The following ZNF268 variants were observed in gnomAD, a reference collection of about 807,000 sequenced individuals.
The protein encoded by ZNF268 is zinc finger protein 268.
ZNF268 carries 20 observed loss-of-function variants against 29.3 expected under a neutral mutation model. The observed-to-expected ratio is 0.68, with a 90% CI of 0.48 to 0.99. ZNF268 has a LOEUF of 0.99. ZNF268 is among the 50% of genes least tolerant of loss of function. The pLI is 0.00. For missense variants in ZNF268, 1,240 were observed against 1,121.6 expected, an observed-to-expected ratio of 1.11 and a Z score of -1.51; for synonymous variants, 429 against 376.9, an observed-to-expected ratio of 1.14 and a Z score of -1.60.
rs1289122635 is a variant in ZNF268, at chr12:133,207,407, C to T, written c.*2877C>T. 1.3e-5 allele frequency: 2 copies of T among 152,224 alleles called. No individual in the cohort carries two copies. The highest frequency in any genetic ancestry group is 2.4e-5 in the African/African-American group (1 of 41,456). 9.4% of individuals were successfully genotyped at this position (152,224 alleles called of 1,614,324 possible). On this transcript the variant is annotated 3_prime_UTR_variant, in exon 6 of 6. Transcript: ENST00000536435. ...TTATAGCAAACCAATGTATAGCTAA[C>T]AAGAAAGTCATGATATTAGGTTTAA...
chr12:133,184,862 G>T (rs542461798), intron 2 of ZNF268: 4 of 316,166 alleles, frequency 1.3e-5, no homozygotes, highest in Non-Finnish European at 2.7e-5. Flanking sequence ...CATTGAAACC[G>T]TAGCAGTCAT....
At chr12:133,200,282 T>C (rs897401652) in intron 5 of ZNF268, among the ~76,000 whole-genome samples, 2 of 152,236 alleles carry the variant, frequency 1.3e-5, no homozygotes, top group African/African-American at 2.4e-5. Flanking sequence ...CATTTCGTTA[T>C]GTACCCCATA....
intron 5 of ZNF268, among the ~76,000 whole-genome samples, chr12:133,197,143 C>T (rs913824954): frequency 8.7e-5 from 13 of 149,162 alleles, no homozygotes; most frequent in African/African-American, 3.0e-4. Flanking sequence ...CCCACTAATT[C>T]GTCATCTAGC....
Position 133,210,625 on chromosome 12 carries a change from C to T in ZNF268, c.*6095C>T. ...GTCCTGAGATGAGGTAAATTCTGGT[C>T]ATCACTGTGAAGTGCCCTCGGGGGT... On this transcript the variant is annotated 3_prime_UTR_variant, in exon 6 of 6. Coordinates refer to ENST00000536435, the MANE Select transcript of ZNF268 (RefSeq NM_003415.3). 1 of 342,356 alleles carries T rather than the reference C, an allele frequency of 2.9e-6. No homozygotes were observed. The highest frequency in any genetic ancestry group is 2.2e-5 in the South Asian group (1 of 45,004). 21.2% of individuals were successfully genotyped at this position (342,356 alleles called of 1,614,324 possible). A position where few individuals can be genotyped will look rare whatever the true frequency, so the allele number is the denominator to read the frequency against.
chr12:133,188,170 T>A, intron 3 of ZNF268, 98 bp downstream of exon 3: 1 of 1,121,282 alleles, frequency 8.9e-7, no homozygotes, highest in Non-Finnish European at 1.3e-6. Flanking sequence ...AGGGTTAAGT[T>A]AATCACTCCT....
At chr12:133,193,999 C>G (rs1162908220) in intron 5 of ZNF268, among the ~76,000 whole-genome samples, 1 of 152,120 alleles carries the variant, frequency 6.6e-6, no homozygotes, top group Non-Finnish European at 1.5e-5. Flanking sequence ...GGCTCCCTTA[C>G]TAATTTTGGT....
At chr12:133,200,934 C>A (rs1017865283) in intron 5 of ZNF268, among the ~76,000 whole-genome samples, 1 of 152,100 alleles carries the variant, frequency 6.6e-6, no homozygotes, top group African/African-American at 2.4e-5. Flanking sequence ...TATACACACT[C>A]ATGATGGAGA....
Position 133,184,676 on chromosome 12 carries a change from T to A in ZNF268, c.33+2646T>A, listed in dbSNP as rs181745379. 24 of 449,040 alleles carry A rather than the reference T, an allele frequency of 5.3e-5. No homozygotes were observed. The Admixed American group carries it at 5.7e-4, about 11-fold the overall frequency. 27.8% of individuals were successfully genotyped at this position (449,040 alleles called of 1,614,324 possible). On this transcript the variant is annotated intron_variant, in intron 2 of 5. Transcript: ENST00000536435. ...CTCTGTCTTCCAGGCTGGAGTGCAGTGGCTATCTCTGCTCACCACAACGTC... is the reference window on the plus strand; with the variant it reads ...CTCTGTCTTCCAGGCTGGAGTGCAGAGGCTATCTCTGCTCACCACAACGTC...
Position 133,203,285 on chromosome 12 carries a change from T to C in ZNF268, c.1599T>C (p.Cys533=), listed in dbSNP as rs565057467. 1.9e-6 allele frequency: 3 copies of C among 1,539,624 alleles called. No homozygotes were observed. Among genetic ancestry groups the C allele is most frequent in the South Asian group, 2.4e-5 (2 of 84,090 alleles). The change falls in exon 6 of 6, where the codon TGT becomes TGC. Residue 533 remains cysteine (C), a synonymous_variant. Transcript: ENST00000536435. ...AAAAACTCCATGAATGCAACAATTGTGGGAAAGCCTTCAGTTTTAAATCAC... is the reference window on the plus strand; with the variant it reads ...AAAAACTCCATGAATGCAACAATTGCGGGAAAGCCTTCAGTTTTAAATCAC... The part of the protein sequence containing the change: ...TGEKLHECNN[C]GKAFSFKSQL...
At chr12:133,182,892 A>G (rs1956213727) in intron 2 of ZNF268, among the ~76,000 whole-genome samples, 1 of 152,158 alleles carries the variant, frequency 6.6e-6, no homozygotes, top group Non-Finnish European at 1.5e-5. Context: ...ATTGTATCAC[A>G]TAGGGCAGGT....
intron 2 of ZNF268, among the ~76,000 whole-genome samples, chr12:133,185,799 G>C (rs1254980030): frequency 6.6e-6 from 1 of 152,200 alleles, no homozygotes; most frequent in Non-Finnish European, 1.5e-5. Context: ...CAGGGATTTT[G>C]TGTAGTGTGG....
rs141114634 is a variant in ZNF268, at chr12:133,191,795, T to C, written c.362-113T>C. Reference sequence around the variant, plus strand: ...GTTGAATGGTCTTTACTTTGCCAAATTGCAAAAAGGCAGCTTCATCATGCT... The same window carrying C: ...GTTGAATGGTCTTTACTTTGCCAAACTGCAAAAAGGCAGCTTCATCATGCT... On this transcript the variant is annotated intron_variant, in intron 4 of 5. Coordinates refer to ENST00000536435, the MANE Select transcript of ZNF268 (RefSeq NM_003415.3). 920 of 1,475,480 alleles carry C rather than the reference T, an allele frequency of 6.2e-4. 2 individuals carry two copies. The African/African-American group carries it at 0.011, about 18-fold the overall frequency. 91.4% of individuals were successfully genotyped at this position (1,475,480 alleles called of 1,614,324 possible). A position where few individuals can be genotyped will look rare whatever the true frequency, so the allele number is the denominator to read the frequency against.
chr12:133,204,291 T>C lies in ZNF268; in HGVS notation c.2605T>C (p.Cys869Arg). 4.5e-6 allele frequency: 7 copies of C among 1,555,208 alleles called. No individual in the cohort carries two copies. Among genetic ancestry groups the C allele is most frequent in the Non-Finnish European group, 6.1e-6 (7 of 1,153,636 alleles). Residue 869 changes from cysteine to arginine, a missense_variant, in exon 6 of 6, where the codon TGT becomes CGT. Cys to Arg is a radical substitution (Grantham distance 180). This residue lies in a region of ZNF268 where 1,177 missense variants were observed against 1,039.6 expected (regional missense o/e 1.13). Coordinates refer to ENST00000536435, the MANE Select transcript of ZNF268 (RefSeq NM_003415.3). The part of the protein sequence containing the change: ...TREKPYECSE[C>R]GKAFIRNSQL... ...AGAGAAACCATATGAATGCAGTGAG[T>C]GTGGAAAAGCCTTCATTAGGAATTC...
rs1175719461 is a variant in ZNF268, at chr12:133,210,882, CCCTT to C, written c.*6357_*6360del. ...GGCTAGACAAGGTGTGTGCTTGCACCCCTTCCTTACTACCTAGGCACAGTGTTGG... is the reference window on the plus strand; with the variant it reads ...GGCTAGACAAGGTGTGTGCTTGCACCCCTTACTACCTAGGCACAGTGTTGG... On this transcript the variant is annotated 3_prime_UTR_variant, in exon 6 of 6. Coordinates refer to ENST00000536435, the MANE Select transcript of ZNF268 (RefSeq NM_003415.3). The C allele has an allele frequency of 2.2e-6, 1 of 455,878 alleles. No individual in the cohort carries two copies. Among genetic ancestry groups the C allele is most frequent in the African/African-American group, 2.0e-5 (1 of 50,042 alleles). 28.2% of individuals were successfully genotyped at this position (455,878 alleles called of 1,614,324 possible).
Position 133,203,441 on chromosome 12 carries a change from A to G in ZNF268, c.1755A>G (p.Glu585=), listed in dbSNP as rs769366783. 3 of 1,542,636 alleles carry G rather than the reference A, an allele frequency of 1.9e-6. No individual in the cohort carries two copies. Among genetic ancestry groups the G allele is most frequent in the African/African-American group, 1.4e-5 (1 of 72,972 alleles). ...QRTHAGEKPY[E]CTDCGKAFGL... ...CTCATGCAGGAGAGAAGCCTTATGA[A>G]TGCACCGACTGTGGAAAGGCTTTTG... Residue 585 remains glutamate, a synonymous_variant, in exon 6 of 6, where the codon GAA becomes GAG. Transcript: ENST00000536435.
chr12:133,185,851 G>C (rs1956299645), intron 2 of ZNF268, among the ~76,000 whole-genome samples: 1 of 142,254 alleles, frequency 7.0e-6, no homozygotes, highest in Non-Finnish European at 1.6e-5. Context: ...ATGTTTGAAG[G>C]TGGAGTCCTC....
In ZNF268 at chr12:133,207,816, G is replaced by A. The variant is rs36153872; in HGVS notation, c.*3286G>A. The A allele has an allele frequency of 0.66, 99,487 of 151,792 alleles. 33,015 individuals are homozygous for A. The highest frequency in any genetic ancestry group is 0.91 in the East Asian group (4,721 of 5,172). The allele number at this position is 151,792 out of a possible 1,614,324, so 9.4% of individuals were successfully genotyped here. ...GAACTAGACCCTGTCTCAAAAAACA[G>A]AAGAGTATGTTTGGAAGATTTAATA... On this transcript the variant is annotated 3_prime_UTR_variant, in exon 6 of 6. Coordinates refer to ENST00000536435, the MANE Select transcript of ZNF268 (RefSeq NM_003415.3).
At chr12:133,201,081 ATTTAT>A (rs898108587) in intron 5 of ZNF268, among the ~76,000 whole-genome samples, 7 of 151,914 alleles carry the variant, frequency 4.6e-5, no homozygotes, top group African/African-American at 1.4e-4. Context: ...GTATACAGTG[ATTTAT>A]TTTTGTTTCT....
At chr12:133,194,836 G>A (rs1207798123) in intron 5 of ZNF268, among the ~76,000 whole-genome samples, 3 of 152,120 alleles carry the variant, frequency 2.0e-5, no homozygotes, top group African/African-American at 4.8e-5. Context: ...CACCTTCCTT[G>A]GCCAGGCAGC....
Sources: allele counts gnomAD v4.1 joint callset (sites outside exome capture counted in the v4.1 genomes callset), GRCh38; gene constraint gnomAD v4.1.1; regional missense constraint gnomAD v4.1.1; transcripts MANE v1.5; gene names NCBI Gene and HGNC (gene_info 2026-07-23, HGNC 2026-07-21).